The following DLGAP4 variants were observed in gnomAD, a reference collection of about 807,000 sequenced individuals.
DLGAP4 encodes DLG associated protein 4, also known as disks large-associated protein 4.
DLGAP4 carries 18 observed loss-of-function variants against 86.9 expected under a neutral mutation model. The observed-to-expected ratio is 0.21, with a 90% confidence interval of 0.14 to 0.31. The LOEUF is 0.31. DLGAP4 is among the 10% of genes least tolerant of loss of function. DLGAP4 has a pLI of 1.00. For synonymous variants in DLGAP4, 548 were observed against 574.3 expected, an observed-to-expected ratio of 0.95 and a Z score of 0.65; for missense variants, 1,085 against 1,362.6, an observed-to-expected ratio of 0.80 and a Z score of 3.21.
chr20:36,497,095 T>C, intron 8 of DLGAP4, 29 bp downstream of exon 8: 1 of 1,556,008 alleles, frequency 6.4e-7, no homozygotes, highest in Non-Finnish European at 8.7e-7. Flanking sequence ...CTCTGTGTCC[T>C]CAGCCCACTC....
chr20:36,415,306 G>T (rs1415244315), intron 2 of DLGAP4, among the ~76,000 whole-genome samples: 1 of 151,912 alleles, frequency 6.6e-6, no homozygotes, highest in Non-Finnish European at 1.5e-5. Flanking sequence ...CAAAACAAAC[G>T]AAAACGTCCA....
rs1357390345 is a variant in DLGAP4 at position 36,358,247 on chromosome 20, C to T, written c.-303-8798C>T. Among the ~76,000 whole-genome samples, 5 of 152,244 alleles carry T rather than the reference C, an allele frequency of 3.3e-5. No individual in the cohort carries two copies. The South Asian group carries it at 6.2e-4, about 19-fold the overall frequency. ...GGATATGAAAATGCAAACTGCAGTG[C>T]GGTGGCCCCACATCACTGTCCCTCC... On this transcript the variant is annotated intron_variant, in intron 1 of 12. Coordinates refer to ENST00000339266, the MANE Select transcript of DLGAP4 (RefSeq NM_001365621.2).
chr20:36,526,945 C>T lies in DLGAP4; in HGVS notation c.2893C>T (p.Arg965Trp), dbSNP rs754283071. The T allele has an allele frequency of 3.7e-6, 6 of 1,613,612 alleles. No individual in the cohort carries two copies. Among genetic ancestry groups the T allele is most frequent in the South Asian group, 1.1e-5 (1 of 91,042 alleles). ...CCGCAAGAGACTCCTGGCGGCCAAG[C>T]GGGCAGCTTCTGTGCGGCAGAACTC... is the stretch of plus-strand genomic sequence containing the variant. Reference protein sequence around the residue: ...EARKRLLAAKRAASVRQNSAT... With the variant: ...EARKRLLAAKWAASVRQNSAT... The change falls in exon 13 of 13, where the codon CGG becomes TGG. Residue 965 changes from arginine to tryptophan, a missense_variant. Arg to Trp is a moderately radical substitution (Grantham distance 101). Transcript: ENST00000339266.
At chr20:36,435,664 G>A (rs1040217060) in intron 3 of DLGAP4, among the ~76,000 whole-genome samples, 2 of 152,194 alleles carry the variant, frequency 1.3e-5, no homozygotes, top group African/African-American at 4.8e-5. Flanking sequence ...TGCCAGGGTC[G>A]TCTGATCCCC....
chr20:36,369,187 G>C (rs533899136), intron 2 of DLGAP4, among the ~76,000 whole-genome samples: 1 of 152,368 alleles, frequency 6.6e-6, no homozygotes, highest in East Asian at 1.9e-4. Flanking sequence ...ATGGGATGAG[G>C]TGTCTCCAGG....
At position 36,496,923 on chromosome 20, in the gene DLGAP4, C is replaced by T. The variant is rs752019701; in HGVS notation, c.1867C>T (p.Arg623Trp). ...CAGTACCCGACCGCCCAGCGTGACA[C>T]GGGGTGGAGTCGCCCCAGCCCCTGA... ...DSSTRPPSVTRGGVAPAPEAP... is the reference protein window; with the variant it reads ...DSSTRPPSVTWGGVAPAPEAP... Residue 623 changes from arginine (R) to tryptophan (W), a missense_variant, in exon 8 of 13, where the codon CGG becomes TGG. Arg to Trp is a moderately radical substitution (Grantham distance 101). Transcript: ENST00000339266. The T allele has an allele frequency of 1.5e-5, 24 of 1,614,072 alleles. No individual in the cohort carries two copies. Among genetic ancestry groups the T allele is most frequent in the East Asian group, 2.2e-5 (1 of 44,890 alleles).
intron 1 of DLGAP4, among the ~76,000 whole-genome samples, chr20:36,333,503 C>A (rs2147362863): frequency 6.6e-6 from 1 of 152,242 alleles, no homozygotes; most frequent in East Asian, 1.9e-4. Context: ...CCCCTGACTC[C>A]CTGGGTGGTC....
At chr20:36,313,015 C>T (rs997389640) in intron 1 of DLGAP4, among the ~76,000 whole-genome samples, 1 of 152,078 alleles carries the variant, frequency 6.6e-6, no homozygotes, top group African/African-American at 2.4e-5. Flanking sequence ...GAGTCTTTCC[C>T]GGCTTAGCCT....
chr20:36,520,851 G>A (rs906998908), intron 10 of DLGAP4, among the ~76,000 whole-genome samples: 14 of 151,380 alleles, frequency 9.2e-5, no homozygotes, highest in Admixed American at 9.2e-4. Context: ...TTGTTTGTTT[G>A]AGACAGAGTC....
intron 4 of DLGAP4, among the ~76,000 whole-genome samples, chr20:36,437,410 A>T (rs1424853559): frequency 6.6e-6 from 1 of 152,184 alleles, no homozygotes; most frequent in East Asian, 1.9e-4. Context: ...CTTGGTCTTC[A>T]GGTTAGGAGA....
chr20:36,319,434 A>G (rs1351567983), intron 1 of DLGAP4, among the ~76,000 whole-genome samples: 1 of 152,166 alleles, frequency 6.6e-6, no homozygotes, highest in African/African-American at 2.4e-5. Context: ...CAAGTCCCCA[A>G]AATAAGGCAG....
In DLGAP4 at chr20:36,432,276, C is replaced by T. The variant is rs1197106005; in HGVS notation, c.559C>T (p.Arg187Trp). Residue 187 changes from arginine to tryptophan, a missense_variant, in exon 3 of 13, where the codon CGG becomes TGG. Arg to Trp is a moderately radical substitution (Grantham distance 101). Around this residue, in one of 2 missense-constraint regions of DLGAP4, gnomAD observed 1,082 missense variants for 1,344.1 expected, o/e 0.81. Coordinates refer to ENST00000339266, the MANE Select transcript of DLGAP4 (RefSeq NM_001365621.2). The surrounding 1 kb of genome is among the most constrained non-coding windows in gnomAD (Gnocchi z 6.5). ...GGGCCGGAGGGCCAAAAGCAAGGAGCGGGCCAAGGCTGGGGAGCCCAAACG... is the reference window on the plus strand; with the variant it reads ...GGGCCGGAGGGCCAAAAGCAAGGAGTGGGCCAAGGCTGGGGAGCCCAAACG... ...GKGRRAKSKE[R>W]AKAGEPKRRS... The T allele has an allele frequency of 8.1e-6, 13 of 1,613,734 alleles. No individual in the cohort carries two copies. The highest frequency in any genetic ancestry group is 5.5e-5 in the South Asian group (5 of 91,082).
At chr20:36,342,926 G>C (rs1555892641) in intron 1 of DLGAP4, among the ~76,000 whole-genome samples, 1 of 152,158 alleles carries the variant, frequency 6.6e-6, no homozygotes, top group Non-Finnish European at 1.5e-5. Context: ...CTGGTGGTGG[G>C]AGCAGCAAGG....
intron 1 of DLGAP4, among the ~76,000 whole-genome samples, chr20:36,317,222 TTTTTC>T (rs1190395827): frequency 1.6e-5 from 2 of 126,010 alleles, no homozygotes; most frequent in Non-Finnish European, 3.3e-5. Flanking sequence ...TTCCTCTCCT[TTTTTC>T]TTTCTTTCTT....
intron 1 of DLGAP4, among the ~76,000 whole-genome samples, chr20:36,355,853 T>C (rs2030309321): frequency 6.6e-6 from 1 of 152,234 alleles, no homozygotes; most frequent in African/African-American, 2.4e-5. Context: ...CAGACCTTGA[T>C]TCCTGTTGAG....
rs1600422670 is a variant in DLGAP4 at position 36,350,127 on chromosome 20, G to A, written c.-303-16918G>A. ...CCTCAGACATGTATCTAGAGGAGGT[G>A]CCATGGGGACAGGACGGGGATCTGC... On this transcript the variant is annotated intron_variant, in intron 1 of 12. Coordinates refer to ENST00000339266, the MANE Select transcript of DLGAP4 (RefSeq NM_001365621.2). This position sits in a 1 kb window ranked among gnomAD's most constrained non-coding sequence, Gnocchi z 4.4. 6.6e-6 allele frequency among the ~76,000 whole-genome samples: 1 copy of A among 152,214 alleles called. No homozygotes were observed.
chr20:36,419,131 C>CT (rs965537629), intron 2 of DLGAP4, among the ~76,000 whole-genome samples: 10 of 148,956 alleles, frequency 6.7e-5, no homozygotes, highest in South Asian at 2.1e-4. Context: ...TTTTTTTTTT[C>CT]TTTTTTTTGA....
intron 1 of DLGAP4, among the ~76,000 whole-genome samples, chr20:36,340,327 G>A (rs2065365845): frequency 2.0e-5 from 3 of 152,202 alleles, no homozygotes; most frequent in South Asian, 4.1e-4. Context: ...TGCCCATGCC[G>A]CACCCACACT....
chr20:36,403,030 G>C (rs904733265), intron 2 of DLGAP4, among the ~76,000 whole-genome samples: 2 of 152,184 alleles, frequency 1.3e-5, no homozygotes, highest in African/African-American at 4.8e-5. Flanking sequence ...ACAGAAAGAG[G>C]GGTGGATTTG....
Sources: allele counts gnomAD v4.1 joint callset (sites outside exome capture counted in the v4.1 genomes callset), GRCh38; gene constraint gnomAD v4.1.1; regional missense constraint gnomAD v4.1.1; non-coding constraint Gnocchi (gnomAD v3.1); transcripts MANE v1.5; gene names NCBI Gene and HGNC (gene_info 2026-07-23, HGNC 2026-07-21).